PALLD: variants seen among roughly 807,000 people sequenced by gnomAD.
PALLD encodes the protein palladin, cytoskeletal associated protein, also known as palladin.
Under a neutral mutation model 123.5 loss-of-function variants are expected in PALLD, and 61 were observed. The observed-to-expected ratio is 0.49, with a 90% confidence interval of 0.40 to 0.61. PALLD has a LOEUF of 0.61. PALLD is among the 20% of genes least tolerant of loss of function. PALLD has a pLI of 0.00. For missense variants in PALLD, 1,273 were observed against 1,377.0 expected (o/e 0.92, Z 1.20); for synonymous variants, 465 against 496.4 (o/e 0.94, Z 0.84).
chr4:168,885,856 A>C (rs1036363090), intron 10 of PALLD, among the ~76,000 whole-genome samples: 6 of 152,228 alleles, frequency 3.9e-5, no homozygotes, highest in African/African-American at 1.4e-4. Context: ...GCTATCTACA[A>C]GGCACCAAAT....
intron 2 of PALLD, among the ~76,000 whole-genome samples, chr4:168,538,280 TC>T (rs969194545): frequency 6.6e-5 from 10 of 152,152 alleles, no homozygotes; most frequent in Non-Finnish European, 1.0e-4. Context: ...ACAATCCACT[TC>T]CTTTTTTCTA....
At position 168,871,353 on chromosome 4, in the gene PALLD, T is replaced by C. The variant is rs1382053530; in HGVS notation, c.1965-19569T>C. ...ATCTGTCTGTCCTTTCTTCCCTAATTCTTCAAAATCTCAGAGAAATTTTAT... is the reference window on the plus strand; with the variant it reads ...ATCTGTCTGTCCTTTCTTCCCTAATCCTTCAAAATCTCAGAGAAATTTTAT... On this transcript the variant is annotated intron_variant, in intron 10 of 21. Coordinates refer to ENST00000505667, the MANE Select transcript of PALLD (RefSeq NM_001166108.2). Among the ~76,000 whole-genome samples the C allele has an allele frequency of 2.0e-5, 3 of 152,316 alleles. No homozygotes were observed. The East Asian group carries it at 5.8e-4, about 29-fold the overall frequency.
At chr4:168,880,213 C>G (rs534481368) in intron 10 of PALLD, among the ~76,000 whole-genome samples, 4 of 152,190 alleles carry the variant, frequency 2.6e-5, no homozygotes, top group Non-Finnish European at 5.9e-5. Flanking sequence ...GGAGCACTTG[C>G]TTCTTGTCAG....
rs143821548 is a variant in PALLD at position 168,812,197 on chromosome 4, TA to T, written c.1965-78724del. Among the ~76,000 whole-genome samples, 450 of 152,340 alleles carry T rather than the reference TA, an allele frequency of 3.0e-3. 1 individual carries two copies. The highest frequency in any genetic ancestry group is 0.01 in the African/African-American group (428 of 41,582). ...CAAGACAAAGACTAGACTTTTGTGT[TA>T]GGGAAACTAACCACAAATTGTGGCC... On this transcript the variant is annotated intron_variant, in intron 10 of 21. Coordinates refer to ENST00000505667, the MANE Select transcript of PALLD (RefSeq NM_001166108.2).
intron 10 of PALLD, among the ~76,000 whole-genome samples, chr4:168,767,729 T>C (rs1158384137): frequency 6.6e-6 from 1 of 152,134 alleles, no homozygotes; most frequent in African/African-American, 2.4e-5. Flanking sequence ...GTATTTTTAG[T>C]AGAGATGGGG....
At chr4:168,729,403 G>A (rs887260070) in intron 10 of PALLD, among the ~76,000 whole-genome samples, 1 of 152,012 alleles carries the variant, frequency 6.6e-6, no homozygotes, top group Admixed American at 6.6e-5. Context: ...GGCTCAAGCA[G>A]TCTTCCTGCC....
At chr4:168,679,758 T>C (rs1252607105) in intron 3 of PALLD, among the ~76,000 whole-genome samples, 1 of 151,930 alleles carries the variant, frequency 6.6e-6, no homozygotes, top group Non-Finnish European at 1.5e-5. Flanking sequence ...TTTTACTGAG[T>C]AGAGATTCTA....
chr4:168,884,655 A>G (rs1753092688), intron 10 of PALLD, among the ~76,000 whole-genome samples: 1 of 152,234 alleles, frequency 6.6e-6, no homozygotes, highest in Non-Finnish European at 1.5e-5. Context: ...GACCTAGTTC[A>G]ACATTGTATT....
chr4:168,742,659 G>T (rs1327088016), intron 10 of PALLD, among the ~76,000 whole-genome samples: 6 of 152,102 alleles, frequency 3.9e-5, no homozygotes, highest in African/African-American at 1.4e-4. Flanking sequence ...TCAATAATCA[G>T]AATTTTTTAG....
chr4:168,603,192 T>A (rs1257318123), intron 2 of PALLD, among the ~76,000 whole-genome samples: 1 of 152,192 alleles, frequency 6.6e-6, no homozygotes. Context: ...TTTTTAAAGA[T>A]CCTAAGCAAC....
intron 10 of PALLD, among the ~76,000 whole-genome samples, chr4:168,811,776 T>TCACACACA (rs58914714): frequency 1.4e-5 from 2 of 143,634 alleles, no homozygotes; most frequent in African/African-American, 2.6e-5. Context: ...TCTCTCTCTC[T>TCACACACA]CACACACACA....
chr4:168,544,415 G>T (rs952217533), intron 2 of PALLD, among the ~76,000 whole-genome samples: 3 of 152,158 alleles, frequency 2.0e-5, no homozygotes, highest in Non-Finnish European at 4.4e-5. Context: ...AATTCTTGAG[G>T]TTAATGTGTG....
chr4:168,606,008 A>C (rs1442323414), intron 2 of PALLD, among the ~76,000 whole-genome samples: 1 of 152,032 alleles, frequency 6.6e-6, no homozygotes, highest in Non-Finnish European at 1.5e-5. Context: ...AAATTTCTAC[A>C]ATCATTGCTA....
At chr4:168,663,930 A>G (rs1165062228) in intron 2 of PALLD, among the ~76,000 whole-genome samples, 3 of 152,216 alleles carry the variant, frequency 2.0e-5, no homozygotes, top group Non-Finnish European at 4.4e-5. Flanking sequence ...AATATTTATT[A>G]TCAGCCCCAC....
At chr4:168,781,251 T>C (rs13116423) in intron 10 of PALLD, among the ~76,000 whole-genome samples, 80,179 of 152,090 alleles carry the variant, frequency 0.53, 22,137 homozygotes, top group Non-Finnish European at 0.63. Context: ...ACACCAGGTT[T>C]GTGACTGTTG....
At chr4:168,868,325 A>G (rs1217958311) in intron 10 of PALLD, among the ~76,000 whole-genome samples, 1 of 152,192 alleles carries the variant, frequency 6.6e-6, no homozygotes, top group Non-Finnish European at 1.5e-5. Context: ...CTGTAAAGGG[A>G]GGGAGGAGTG....
chr4:168,669,475 C>T (rs943526579), intron 3 of PALLD, among the ~76,000 whole-genome samples: 1 of 152,032 alleles, frequency 6.6e-6, no homozygotes, highest in African/African-American at 2.4e-5. Context: ...CTTGTACTCC[C>T]AGCTATTCAG....
At chr4:168,812,254 T>C (rs1741277071) in intron 10 of PALLD, among the ~76,000 whole-genome samples, 1 of 152,182 alleles carries the variant, frequency 6.6e-6, no homozygotes, top group South Asian at 2.1e-4. Context: ...CCCAACCCCC[T>C]TGTCCAAGCT....
At chr4:168,639,600 G>T (rs2149861297) in intron 2 of PALLD, among the ~76,000 whole-genome samples, 1 of 150,360 alleles carries the variant, frequency 6.7e-6, no homozygotes, top group Admixed American at 6.6e-5. Flanking sequence ...CTGGAGTGCA[G>T]TGGTGTGATC....
Sources: allele counts gnomAD v4.1 joint callset (sites outside exome capture counted in the v4.1 genomes callset), GRCh38; gene constraint gnomAD v4.1.1; transcripts MANE v1.5; gene names NCBI Gene and HGNC (gene_info 2026-07-23, HGNC 2026-07-21).